CNKSR1: variants seen among roughly 807,000 people sequenced by gnomAD.
The protein encoded by CNKSR1 is CNK homolog protein 1.
CNKSR1 carries 88 observed loss-of-function variants against 95.6 expected under a neutral mutation model. The observed-to-expected ratio is 0.92, with a 90% CI of 0.78 to 1.10. The LOEUF (loss-of-function observed/expected upper bound fraction) is 1.10, where lower values mean the gene tolerates loss of function less well. Ranked by LOEUF, CNKSR1 falls within the 50% of genes least tolerant of loss-of-function variation. CNKSR1 has a pLI of 0.00. For synonymous variants in CNKSR1, 355 were observed against 369.7 expected (o/e 0.96, Z 0.46); for missense variants, 836 against 912.0 (o/e 0.92, Z 1.07).
rs766518397 is a variant in CNKSR1, at chr1:26,189,657, A to C, written c.*109A>C. ...CTGGATTCTGTTCAGGGTGGGAAGT[A>C]GTACTGCTAGTCATGGTCTCACCCC... On this transcript the variant is annotated 3_prime_UTR_variant, in exon 21 of 21. Transcript: ENST00000361530. 1.3e-6 allele frequency: 1 copy of C among 788,278 alleles called. No homozygotes were observed. Among genetic ancestry groups the C allele is most frequent in the South Asian group, 1.3e-5 (1 of 74,622 alleles). The allele number at this position is 788,278 out of a possible 1,614,324, so 48.8% of individuals were successfully genotyped here. A position where few individuals can be genotyped will look rare whatever the true frequency, so the allele number is the denominator to read the frequency against.
At chr1:26,183,465 C>G (rs752878270) in intron 8 of CNKSR1, 51 bp downstream of exon 8, 2 of 1,591,616 alleles carry the variant, frequency 1.3e-6, no homozygotes, top group African/African-American at 1.3e-5. Flanking sequence ...CCGAGTGGAA[C>G]CCAAGTCTGG....
In CNKSR1 at chr1:26,180,459, A is replaced by G; in HGVS notation, c.59A>G (p.Asp20Gly). ...GKVATWLRGL[D>G]DSLQDYPFED... is the part of the protein sequence containing the mutation. ...AGCCTTACTCTCCCTCCAGGTCTTG[A>G]CGACTCCCTGCAGGACTATCCCTTT... Residue 20 changes from aspartate to glycine, a missense_variant, in exon 2 of 21, where the codon GAC becomes GGC. By Grantham distance (94) the Asp-to-Gly change is moderately conservative. Transcript: ENST00000361530. 1 of 1,613,940 alleles carries G rather than the reference A, an allele frequency of 6.2e-7. No homozygotes were observed. The highest frequency in any genetic ancestry group is 8.5e-7 in the Non-Finnish European group (1 of 1,180,022).
chr1:26,188,412 C>T, intron 17 of CNKSR1, 30 bp from the exon 18 acceptor site: 1 of 1,606,192 alleles, frequency 6.2e-7, no homozygotes. Context: ...CCCTGGCCTC[C>T]CAAAAACCCA....
chr1:26,178,440 G>A (rs1020611052), intron 1 of CNKSR1, among the ~76,000 whole-genome samples: 1 of 152,218 alleles, frequency 6.6e-6, no homozygotes, highest in African/African-American at 2.4e-5. Flanking sequence ...GCAAGGTGCT[G>A]TCCAGGCTCA....
rs543288562 is a variant in CNKSR1, at chr1:26,189,821, A to G, written c.*273A>G. On this transcript the variant is annotated 3_prime_UTR_variant, in exon 21 of 21. Coordinates refer to ENST00000361530, the MANE Select transcript of CNKSR1 (RefSeq NM_006314.3). ...CAGTTCTCCCCCAAACCAGGTCTGT[A>G]CAGGTGTTCTTTATTTTACATGAGG... The G allele has an allele frequency of 5.4e-5, 36 of 665,046 alleles. No homozygotes were observed. The highest frequency in any genetic ancestry group is 1.4e-4 in the South Asian group (9 of 64,634). 41.2% of individuals were successfully genotyped at this position (665,046 alleles called of 1,614,324 possible).
chr1:26,188,743 C>A, intron 19 of CNKSR1, 29 bp from the exon 20 acceptor site: 1 of 1,610,430 alleles, frequency 6.2e-7, no homozygotes. Context: ...GGGGTGGGCA[C>A]ATCCTCATCC....
At chr1:26,181,085 GC>G in intron 3 of CNKSR1, 189 bp downstream of exon 3, 1 of 671,160 alleles carries the variant, frequency 1.5e-6, no homozygotes, top group Non-Finnish European at 2.6e-6. Context: ...TTGGAGACCA[GC>G]CTGGCCAACA....
intron 1 of CNKSR1, 170 bp from the exon 2 acceptor site, chr1:26,180,283 T>C (rs1168000936): frequency 3.9e-6 from 3 of 778,698 alleles, no homozygotes; most frequent in Non-Finnish European, 6.4e-6. Context: ...TCCTATACTT[T>C]CCTGCTTCTC....
rs772509241 is a variant in CNKSR1, at chr1:26,180,428, G to A, written c.53-25G>A. 4.3e-6 allele frequency: 7 copies of A among 1,613,006 alleles called. No individual in the cohort carries two copies. In the Admixed American group the frequency reaches 5.0e-5, roughly 12 times the overall value. ...AAGGTCCTGACACCTCTGCTTCCCC[G>A]AGCTGAGCCTTACTCTCCCTCCAGG... On this transcript the variant is annotated intron_variant, in intron 1 of 20. Coordinates refer to ENST00000361530, the MANE Select transcript of CNKSR1 (RefSeq NM_006314.3).
In CNKSR1 at chr1:26,180,879, C is replaced by T; in HGVS notation, c.375C>T (p.Leu125=). 1.2e-6 allele frequency: 2 copies of T among 1,614,222 alleles called. No homozygotes were observed. The highest frequency in any genetic ancestry group is 1.7e-6 in the Non-Finnish European group (2 of 1,180,038). ...AVELLHEADA[L]LFWLSRYLFS... is the part of the protein sequence containing the mutation. ...AGCTGTTGCATGAAGCTGACGCCCT[C>T]CTCTTCTGGCTCAGCAGGTACCCGG... The change falls in exon 3 of 21, where the codon CTC becomes CTT. Residue 125 remains leucine, a synonymous_variant. Coordinates refer to ENST00000361530, the MANE Select transcript of CNKSR1 (RefSeq NM_006314.3).
chr1:26,181,755 C>A, intron 3 of CNKSR1, 102 bp from the exon 4 acceptor site: 1 of 1,086,192 alleles, frequency 9.2e-7, no homozygotes, highest in Non-Finnish European at 1.4e-6. Context: ...CCCATCAGAG[C>A]AGGTATTATC....
rs746410539 is a variant in CNKSR1, at chr1:26,188,643, C to A, written c.1636C>A (p.Pro546Thr). ...AGSPLHGDTS[P>T]AATPTQRSPR... ...GAGTCCCCTCCATGGAGACACATCA[C>A]CTGCAGCCACCCCCACACAGCGCAG... Residue 546 changes from proline to threonine, a missense_variant, in exon 19 of 21, where the codon CCT (proline) becomes ACT (threonine). Pro to Thr is a conservative substitution (Grantham distance 38). Coordinates refer to ENST00000361530, the MANE Select transcript of CNKSR1 (RefSeq NM_006314.3). 6.2e-7 allele frequency: 1 copy of A among 1,613,914 alleles called. No individual in the cohort carries two copies. The highest frequency in any genetic ancestry group is 1.1e-5 in the South Asian group (1 of 91,082).
chr1:26,187,271 G>T (rs368986454), intron 15 of CNKSR1, 30 bp downstream of exon 15: 1 of 1,601,704 alleles, frequency 6.2e-7, no homozygotes, highest in Admixed American at 1.7e-5. Context: ...TGGGCTGGGG[G>T]ATGGAGACAG....
chr1:26,187,786 C>A (rs2124516268), intron 16 of CNKSR1, among the ~76,000 whole-genome samples: 1 of 152,032 alleles, frequency 6.6e-6, no homozygotes, highest in Middle Eastern at 3.4e-3. Context: ...CCATACCCGG[C>A]TAATTTTTGT....
At chr1:26,188,333 G>A in intron 17 of CNKSR1, 26 bp downstream of exon 17, 1 of 1,613,046 alleles carries the variant, frequency 6.2e-7, no homozygotes, top group Non-Finnish European at 8.5e-7. Flanking sequence ...GGTTGAGTGG[G>A]AGGAACCCTC....
In CNKSR1 at chr1:26,188,640, T is replaced by A; in HGVS notation, c.1633T>A (p.Ser545Thr). The A allele has an allele frequency of 6.2e-7, 1 of 1,613,726 alleles. No homozygotes were observed. The highest frequency in any genetic ancestry group is 8.5e-7 in the Non-Finnish European group (1 of 1,179,860). ...TGGGAGTCCCCTCCATGGAGACACATCACCTGCAGCCACCCCCACACAGCG... is the reference window on the plus strand; with the variant it reads ...TGGGAGTCCCCTCCATGGAGACACAACACCTGCAGCCACCCCCACACAGCG... ...QAGSPLHGDT[S>T]PAATPTQRSP... The change falls in exon 19 of 21, where the codon TCA (serine) becomes ACA (threonine). Residue 545 changes from serine to threonine, a missense_variant. Transcript: ENST00000361530.
At position 26,183,970 on chromosome 1, in the gene CNKSR1, C is replaced by T. The variant is rs545031351; in HGVS notation, c.856-101C>T. 7 of 663,736 alleles carry T rather than the reference C, an allele frequency of 1.1e-5. No homozygotes were observed. In the East Asian group the frequency reaches 1.5e-4, roughly 14 times the overall value. The allele number at this position is 663,736 out of a possible 1,614,324, so 41.1% of individuals were successfully genotyped here. On this transcript the variant is annotated intron_variant, in intron 9 of 20. Coordinates refer to ENST00000361530, the MANE Select transcript of CNKSR1 (RefSeq NM_006314.3). ...TGCGCCCCCCTAGCTCCCTTCAGAC[C>T]CCCCCACAGGTACCTGCTCCTGCTG... is the stretch of plus-strand genomic sequence containing the variant.
chr1:26,187,995 A>G (rs1484397608), intron 16 of CNKSR1, among the ~76,000 whole-genome samples: 1 of 151,818 alleles, frequency 6.6e-6, no homozygotes, highest in Non-Finnish European at 1.5e-5. Context: ...ACTTGGCCTC[A>G]AGCAATCCTC....
At chr1:26,185,845 A>G (rs1262141393) in intron 14 of CNKSR1, among the ~76,000 whole-genome samples, 3 of 152,138 alleles carry the variant, frequency 2.0e-5, no homozygotes, top group Admixed American at 6.6e-5. Context: ...AATCACGTCT[A>G]TTCTGCCCAC....
Sources: gnomAD v4.1 joint callset for allele counts (sites outside exome capture counted in the v4.1 genomes callset) on GRCh38, gnomAD v4.1.1 for gene constraint, MANE v1.5 for transcripts, NCBI Gene and HGNC (gene_info 2026-07-23, HGNC 2026-07-21) for gene names.